The following MICAL2 variants were observed in gnomAD, a reference collection of about 807,000 sequenced individuals.
The protein encoded by MICAL2 is microtubule associated monooxygenase, calponin and LIM domain containing 2, also known as [F-actin]-monooxygenase MICAL2.
A neutral mutation model predicts 127.3 loss-of-function variants in MICAL2; 77 were observed. The ratio of observed to expected loss-of-function variants is 0.60; its 90% CI spans 0.50 to 0.73. The LOEUF (loss-of-function observed/expected upper bound fraction) is 0.73. Among genes scored for constraint, MICAL2 ranks in the 30% least tolerant of loss-of-function variants. MICAL2 has a pLI of 0.00. For missense variants in MICAL2, 1,351 were observed against 1,434.4 expected (o/e 0.94, Z 0.94); for synonymous variants, 570 against 551.1 (o/e 1.03, Z -0.48).
At chr11:12,271,326 G>A (rs554147874), upstream of MICAL2, among the ~76,000 whole-genome samples, 13 of 152,312 alleles carry the variant, frequency 8.5e-5, no homozygotes, top group Admixed American at 6.5e-5. Flanking sequence ...ATGGCTTCAG[G>A]CAAACTCTTA....
At chr11:12,282,025 G>A (rs1432913305) in intron 2 of MICAL2, among the ~76,000 whole-genome samples, 6 of 152,104 alleles carry the variant, frequency 3.9e-5, no homozygotes, top group Admixed American at 6.5e-5. Flanking sequence ...GTCCTGCATC[G>A]CCACCTGGTG....
chr11:12,160,227 G>T (rs1266869103), intron 2 of MICAL2, among the ~76,000 whole-genome samples: 1 of 152,190 alleles, frequency 6.6e-6, no homozygotes, highest in African/African-American at 2.4e-5. Flanking sequence ...CCTCCTGGCA[G>T]GTGGTGCCCA....
chr11:12,360,516 TA>T (rs1248737714), downstream of MICAL2, among the ~76,000 whole-genome samples: 1 of 152,226 alleles, frequency 6.6e-6, no homozygotes, highest in Non-Finnish European at 1.5e-5. Context: ...TATGCAGCAA[TA>T]TTCAGGCCCC....
chr11:12,272,416 T>C (rs1489303853), upstream of MICAL2, among the ~76,000 whole-genome samples: 1 of 152,184 alleles, frequency 6.6e-6, no homozygotes, highest in Non-Finnish European at 1.5e-5. Flanking sequence ...ATGCCTTATC[T>C]CCCTTGTGAG....
At chr11:12,218,119 T>C (rs991924800) in intron 8 of MICAL2, among the ~76,000 whole-genome samples, 4 of 152,216 alleles carry the variant, frequency 2.6e-5, no homozygotes, top group South Asian at 2.1e-4. Context: ...TGCTTCCCCA[T>C]TGATTCCAGC....
At chr11:12,197,622 A>G (rs1860107012) in intron 3 of MICAL2, 2 of 152,208 alleles carry the variant, frequency 1.3e-5, no homozygotes, top group Non-Finnish European at 2.9e-5. Flanking sequence ...CGGGGAACCT[A>G]TGTGTTAAAT....
chr11:12,222,600 G>A lies in MICAL2; in HGVS notation c.1323-17G>A, dbSNP rs761585254. The A allele has an allele frequency of 1.2e-6, 2 of 1,614,024 alleles. No individual in the cohort carries two copies. The highest frequency in any genetic ancestry group is 2.2e-5 in the East Asian group (1 of 44,892). On this transcript the variant is annotated splice_polypyrimidine_tract_variant and intron_variant, in intron 10 of 27. Coordinates refer to ENST00000683283, the MANE Select transcript of MICAL2 (RefSeq NM_001282663.2). ...GGCAAAAGTGATCCCTGACCTCCAG[G>A]CTCCGCCTCCCTCCAGGGAAAGTCT...
intron 1 of MICAL2, among the ~76,000 whole-genome samples, chr11:12,121,821 A>G (rs750630896): frequency 7.9e-5 from 12 of 152,164 alleles, no homozygotes; most frequent in Non-Finnish European, 1.5e-4. Context: ...GTTCTCTTCC[A>G]TGTATGTCTC....
chr11:12,209,847 AC>A (rs1855219713), intron 6 of MICAL2, among the ~76,000 whole-genome samples: 1 of 152,036 alleles, frequency 6.6e-6, no homozygotes, highest in South Asian at 2.1e-4. Flanking sequence ...GGATCACAGA[AC>A]CCTTTCAAAG....
intron 32 of MICAL2, among the ~76,000 whole-genome samples, chr11:12,332,367 T>C (rs1938658169): frequency 6.6e-6 from 1 of 152,192 alleles, no homozygotes; most frequent in Admixed American, 6.5e-5. Context: ...TCTCTCTAAA[T>C]ACAGGTAGCC....
chr11:12,268,684 C>T (rs1863634828), downstream of MICAL2, among the ~76,000 whole-genome samples: 1 of 152,202 alleles, frequency 6.6e-6, no homozygotes, highest in African/African-American at 2.4e-5. Flanking sequence ...GCAGGGGACC[C>T]ACCCTCAGAT....
At chr11:12,294,098 G>A (rs201344726), downstream of MICAL2, 1 of 1,614,120 alleles carries the variant, frequency 6.2e-7, no homozygotes, top group East Asian at 2.2e-5. Flanking sequence ...AGGAGGCCGT[G>A]TGCTAAAACC....
downstream of MICAL2, among the ~76,000 whole-genome samples, chr11:12,266,197 C>T (rs1474925345): frequency 6.6e-6 from 1 of 152,122 alleles, no homozygotes; most frequent in African/African-American, 2.4e-5. Flanking sequence ...TGAACTTCAT[C>T]CCAAGTATTG....
intron 19 of MICAL2, 106 bp downstream of exon 19, chr11:12,242,538 T>C: frequency 7.0e-7 from 1 of 1,424,800 alleles, no homozygotes; most frequent in Non-Finnish European, 9.8e-7. Context: ...GCCCACCCCC[T>C]GTCTCTCATC....
At chr11:12,189,314 T>C (rs975641239) in intron 3 of MICAL2, among the ~76,000 whole-genome samples, 1 of 152,162 alleles carries the variant, frequency 6.6e-6, no homozygotes, top group African/African-American at 2.4e-5. Context: ...TTTGTTTTTG[T>C]TTTTGTTTTT....
At chr11:12,352,889 A>T (rs954932960) in intron 33 of MICAL2, among the ~76,000 whole-genome samples, 1 of 152,208 alleles carries the variant, frequency 6.6e-6, no homozygotes, top group African/African-American at 2.4e-5. Context: ...CAGTGCAAAG[A>T]CTGCCCATCG....
At chr11:12,347,803 G>A (rs1372381632) in intron 32 of MICAL2, among the ~76,000 whole-genome samples, 2 of 152,070 alleles carry the variant, frequency 1.3e-5, no homozygotes, top group Non-Finnish European at 2.9e-5. Context: ...ATGTGGGACT[G>A]GGTCAGAACT....
chr11:12,177,723 T>C (rs891828555), intron 3 of MICAL2, among the ~76,000 whole-genome samples: 1 of 152,064 alleles, frequency 6.6e-6, no homozygotes, highest in Non-Finnish European at 1.5e-5. Context: ...TTTTTAAGAG[T>C]CTTATGCTTT....
At chr11:12,179,960 T>G (rs1431671800) in intron 3 of MICAL2, among the ~76,000 whole-genome samples, 2 of 152,196 alleles carry the variant, frequency 1.3e-5, no homozygotes, top group African/African-American at 2.4e-5. Context: ...CTCATGAAAA[T>G]CAATATTATC....
Sources: allele counts gnomAD v4.1 joint callset (sites outside exome capture counted in the v4.1 genomes callset), GRCh38; gene constraint gnomAD v4.1.1; transcripts MANE v1.5; gene names NCBI Gene and HGNC (gene_info 2026-07-23, HGNC 2026-07-21).